Variants in ZNF846 observed in about 807,000 individuals in gnomAD.
ZNF846 encodes zinc finger protein 846.
In ZNF846, 15 loss-of-function variants were observed where a neutral mutation model predicts 16.0. That is an observed-to-expected ratio of 0.94 (90% CI 0.63 to 1.45). The LOEUF (loss-of-function observed/expected upper bound fraction) is 1.45. Ranked by LOEUF, ZNF846 falls within the 40% of genes most tolerant of loss-of-function variation. ZNF846 has a pLI of 0.00. For missense variants in ZNF846, 714 were observed against 622.3 expected (o/e 1.15, Z -1.57); for synonymous variants, 229 against 212.0 (o/e 1.08, Z -0.70).
At chr19:9,760,209 C>T (rs2045202430) in intron 4 of ZNF846, among the ~76,000 whole-genome samples, 1 of 151,142 alleles carries the variant, frequency 6.6e-6, no homozygotes, top group South Asian at 2.1e-4. Context: ...AGGAGAATCA[C>T]TTGAACCCAG....
chr19:9,751,460 T>C (rs73011998), downstream of ZNF846, among the ~76,000 whole-genome samples: 7 of 152,314 alleles, frequency 4.6e-5, no homozygotes, highest in Admixed American at 6.5e-5. Context: ...GGTCAAACCA[T>C]TGTGACATCC....
chr19:9,774,467 CAAA>C (rs373189763), intron 1 of ZNF846: 801 of 701,688 alleles, frequency 1.1e-3, no homozygotes, highest in Middle Eastern at 1.5e-3. Flanking sequence ...GACTCCGTCT[CAAA>C]AAAAAAAAAA....
At chr19:9,769,064 GC>G (rs977623294), upstream of ZNF846, among the ~76,000 whole-genome samples, 11 of 152,290 alleles carry the variant, frequency 7.2e-5, no homozygotes, top group African/African-American at 1.9e-4. Flanking sequence ...CTCATCGAGT[GC>G]TTTTCTTTTC....
chr19:9,771,042 TGG>T, upstream of ZNF846, among the ~76,000 whole-genome samples: 1 of 152,170 alleles, frequency 6.6e-6, no homozygotes, highest in South Asian at 2.1e-4. Context: ...TGGTGATTTC[TGG>T]GATTTTGGTG....
At chr19:9,762,353 G>T in intron 3 of ZNF846, 185 bp from the exon 4 acceptor site, 2 of 538,606 alleles carry the variant, frequency 3.7e-6, no homozygotes, top group South Asian at 4.1e-5. Flanking sequence ...TAACAAAAAT[G>T]TTGCCCAGGT....
At chr19:9,776,110 G>A (rs568331472) in intron 1 of ZNF846, among the ~76,000 whole-genome samples, 50 of 152,324 alleles carry the variant, frequency 3.3e-4, no homozygotes, top group Non-Finnish European at 1.9e-4. Flanking sequence ...CTGGGAAGAC[G>A]TCCATTGCCA....
chr19:9,781,473 C>G (rs1402363538), intron 1 of ZNF846, among the ~76,000 whole-genome samples: 1 of 152,052 alleles, frequency 6.6e-6, no homozygotes, highest in Admixed American at 6.6e-5. Context: ...CCCCATAGCC[C>G]CTTTGAAATT....
At chr19:9,753,317 T>C (rs1156419758), downstream of ZNF846, among the ~76,000 whole-genome samples, 1 of 151,122 alleles carries the variant, frequency 6.6e-6, no homozygotes, top group East Asian at 1.9e-4. Flanking sequence ...AGTGGTGTGA[T>C]CTTGGCTCAC....
chr19:9,776,652 C>T (rs748738207), intron 1 of ZNF846, among the ~76,000 whole-genome samples: 7 of 152,182 alleles, frequency 4.6e-5, no homozygotes, highest in African/African-American at 1.4e-4. Flanking sequence ...TTGGGGGTAG[C>T]GGTCCCCCAG....
At chr19:9,752,358 A>G in exon 6 of ZNF846, 1 of 279,166 alleles carries the variant, frequency 3.6e-6, no homozygotes, top group East Asian at 1.2e-4. Flanking sequence ...CCATAATCCC[A>G]GCACTTTGGG....
At chr19:9,757,345 T>C, downstream of ZNF846, 2 of 724,802 alleles carry the variant, frequency 2.8e-6, no homozygotes, top group Non-Finnish European at 4.5e-6. Context: ...CACTGGGACT[T>C]GTGTCCATGT....
In ZNF846 at chr19:9,757,506, T is replaced by G. The variant is rs1316570091; in HGVS notation, c.1571A>C (p.His524Pro). 5 of 1,604,146 alleles carry G rather than the reference T, an allele frequency of 3.1e-6. No homozygotes were observed. Among genetic ancestry groups the G allele is most frequent in the Middle Eastern group, 1.7e-4 (1 of 6,020 alleles). The change falls in exon 6 of 6, where the codon CAT (histidine) becomes CCT (proline). Residue 524 changes from histidine to proline, a missense_variant. His to Pro is a moderately conservative substitution (Grantham distance 77). Coordinates refer to ENST00000397902, the Ensembl canonical transcript of ZNF846. ...TTTTTCACATGCCTTAGTTCTTAGA[T>G]GTTTAGCAAGTGCTGAAGATTGAGT...
At chr19:9,753,510 T>C (rs2045105233), downstream of ZNF846, among the ~76,000 whole-genome samples, 1 of 150,788 alleles carries the variant, frequency 6.6e-6, no homozygotes. Flanking sequence ...CACCTTGGCC[T>C]CCCAAAGTGC....
At chr19:9,783,544 A>ATATATATATAT (rs59645706) in intron 1 of ZNF846, among the ~76,000 whole-genome samples, 8 of 108,802 alleles carry the variant, frequency 7.4e-5, no homozygotes, top group African/African-American at 3.1e-4. Context: ...AAAAAAAAAA[A>ATATATATATAT]ATATATATAT....
chr19:9,758,580 T>C, exon 6 of ZNF846: 1 of 1,612,584 alleles, frequency 6.2e-7, no homozygotes, highest in East Asian at 2.2e-5. Context: ...CATTTTCCCC[T>C]CAGCATGACT....
chr19:9,760,509 C>T (rs543724996), intron 4 of ZNF846, among the ~76,000 whole-genome samples: 4 of 149,294 alleles, frequency 2.7e-5, no homozygotes, highest in South Asian at 2.1e-4. Context: ...GAGACCAGCC[C>T]GGCCAACATG....
chr19:9,761,321 T>C (rs1022064030), intron 4 of ZNF846, among the ~76,000 whole-genome samples: 1 of 151,796 alleles, frequency 6.6e-6, no homozygotes, highest in East Asian at 1.9e-4. Flanking sequence ...CATTTGTATA[T>C]CTTTCCAAAC....
chr19:9,754,997 C>A (rs576408074), downstream of ZNF846, among the ~76,000 whole-genome samples: 1 of 151,254 alleles, frequency 6.6e-6, no homozygotes, highest in Non-Finnish European at 1.5e-5. Flanking sequence ...TCTCAAGTAG[C>A]TGGGACTACA....
chr19:9,767,352 C>A (rs1171816865), intron 1 of ZNF846, among the ~76,000 whole-genome samples: 1 of 151,870 alleles, frequency 6.6e-6, no homozygotes, highest in Non-Finnish European at 1.5e-5. Context: ...TCGGGCTGGT[C>A]TGGAACTCCC....
Sources: allele counts gnomAD v4.1 joint callset (sites outside exome capture counted in the v4.1 genomes callset), GRCh38; gene constraint gnomAD v4.1.1; transcripts MANE v1.5; gene names NCBI Gene and HGNC (gene_info 2026-07-23, HGNC 2026-07-21).